TCP11: variants seen among roughly 807,000 people sequenced by gnomAD.
TCP11 encodes the protein t-complex 11.
In TCP11, 34 loss-of-function variants were observed where a neutral mutation model predicts 45.0. The ratio of observed to expected loss-of-function variants is 0.76; its 90% CI spans 0.57 to 1.01. The LOEUF is 1.01. TCP11 is among the 50% of genes least tolerant of loss of function. The probability of loss-of-function intolerance (pLI) is 0.00; values close to 1 mark genes in which losing one functional copy is unlikely to be tolerated. For missense variants in TCP11, 523 were observed against 598.1 expected, an observed-to-expected ratio of 0.87 and a Z score of 1.31; for synonymous variants, 227 against 227.0, an observed-to-expected ratio of 1.00 and a Z score of 0.00.
intron 1 of TCP11, 143 bp from the exon 2 acceptor site, chr6:35,141,027 T>C: frequency 8.0e-7 from 1 of 1,246,832 alleles, no homozygotes. Context: ...CAAAGGAGCG[T>C]GGAGGAGCGG....
At position 35,140,747 on chromosome 6, in the gene TCP11, A is replaced by T; in HGVS notation, c.124T>A (p.Phe42Ile). The T allele has an allele frequency of 2.6e-6, 4 of 1,526,648 alleles. No homozygotes were observed. The highest frequency in any genetic ancestry group is 3.5e-6 in the Non-Finnish European group (4 of 1,141,688). 94.6% of individuals were successfully genotyped at this position (1,526,648 alleles called of 1,614,324 possible). A position where few individuals can be genotyped will look rare whatever the true frequency, so the allele number is the denominator to read the frequency against. The part of the protein sequence containing the change: ...DKSGSEDPPP[F>I]LSVTGLTETV... ...ACAGGGACTGCCGAGCTGGACCTAC[A>T]GGGAGGGGGGTCCTCGGAGCCGCTC... Residue 42 changes from phenylalanine to isoleucine, a missense_variant and splice_region_variant, in exon 2 of 10, where the codon TTT becomes ATT. By Grantham distance (21) the Phe-to-Ile change is conservative. This residue lies in a region of TCP11 where 225 missense variants were observed against 210.2 expected (regional missense o/e 1.07). Coordinates refer to ENST00000311875, the MANE Select transcript of TCP11 (RefSeq NM_001370687.1).
At chr6:35,126,567 C>G (rs1003678833) in intron 4 of TCP11, among the ~76,000 whole-genome samples, 7 of 150,168 alleles carry the variant, frequency 4.7e-5, no homozygotes, top group Non-Finnish European at 7.4e-5. Context: ...ATTTTAGACT[C>G]AATTACAGCA....
chr6:35,132,965 A>C (rs932397806), intron 3 of TCP11, among the ~76,000 whole-genome samples: 1 of 152,204 alleles, frequency 6.6e-6, no homozygotes, highest in Admixed American at 6.5e-5. Flanking sequence ...ACATCAGTCA[A>C]GAACAAATCA....
chr6:35,140,833 G>A lies in TCP11; in HGVS notation c.38C>T (p.Pro13Leu), dbSNP rs762189731. ...ACAGGACCTGCCCTCTGAGTCGCCA[G>A]GATATTTCGGGGGCACACTCTCCTT... is the stretch of plus-strand genomic sequence containing the variant. ...DVKESVPPKY[P>L]GDSEGRSCKP... The change falls in exon 2 of 10, where the codon CCT (proline) becomes CTT (leucine). Residue 13 changes from proline (P) to leucine (L), a missense_variant. This residue lies in a region of TCP11 where 225 missense variants were observed against 210.2 expected (regional missense o/e 1.07). Transcript: ENST00000311875. 3 of 1,562,798 alleles carry A rather than the reference G, an allele frequency of 1.9e-6. No homozygotes were observed. The highest frequency in any genetic ancestry group is 4.0e-5 in the Admixed American group (2 of 50,612).
intron 4 of TCP11, among the ~76,000 whole-genome samples, chr6:35,124,543 T>C (rs188199386): frequency 3.9e-5 from 6 of 152,326 alleles, no homozygotes; most frequent in Admixed American, 3.9e-4. Context: ...AATTAGGTAT[T>C]GTCTAACTTA....
At chr6:35,122,714 T>C (rs139759032) in intron 4 of TCP11, among the ~76,000 whole-genome samples, 1 of 152,246 alleles carries the variant, frequency 6.6e-6, no homozygotes, top group East Asian at 1.9e-4. Flanking sequence ...AGGGCAAGGA[T>C]GAAATAGGCA....
Position 35,127,402 on chromosome 6 carries a change from C to T in TCP11, c.357+1660G>A, listed in dbSNP as rs79896287. On this transcript the variant is annotated intron_variant, in intron 4 of 9. Coordinates refer to ENST00000311875, the MANE Select transcript of TCP11 (RefSeq NM_001370687.1). ...AAGCAAAATGTCTCAGACTCTTTGG[C>T]AATGAAGGTTTGGGTCACTGCACCA... is the stretch of plus-strand genomic sequence containing the variant. Among the ~76,000 whole-genome samples, 69 of 152,170 alleles carry T rather than the reference C, an allele frequency of 4.5e-4. No homozygotes were observed. In the East Asian group the frequency reaches 0.012, roughly 27 times the overall value.
intron 3 of TCP11, among the ~76,000 whole-genome samples, chr6:35,130,642 A>C (rs1175510240): frequency 6.6e-6 from 1 of 152,094 alleles, no homozygotes; most frequent in Non-Finnish European, 1.5e-5. Flanking sequence ...AAATTAAAAC[A>C]ACAAAAAGAA....
chr6:35,119,690 C>T (rs1238699941), intron 8 of TCP11, among the ~76,000 whole-genome samples: 1 of 152,224 alleles, frequency 6.6e-6, no homozygotes, highest in Admixed American at 6.5e-5. Flanking sequence ...CTTGGATCCA[C>T]TCAGCATTCT....
At chr6:35,133,186 T>G (rs1380656796) in intron 3 of TCP11, among the ~76,000 whole-genome samples, 2 of 151,842 alleles carry the variant, frequency 1.3e-5, no homozygotes, top group East Asian at 3.9e-4. Flanking sequence ...TTTACAATCT[T>G]TTTTTTTAGA....
In TCP11 at chr6:35,119,103, G is replaced by GA. The variant is rs34094392; in HGVS notation, c.1279+124dup. ...GGATATGATTTCAACCCAGCATTTTGAAAAAAATCAAGGCTAAACAATGAC... is the reference window on the plus strand; with the variant it reads ...GGATATGATTTCAACCCAGCATTTTGAAAAAAAATCAAGGCTAAACAATGAC... On this transcript the variant is annotated intron_variant, in intron 9 of 9. Transcript: ENST00000311875. 10 of 1,286,034 alleles carry GA rather than the reference G, an allele frequency of 7.8e-6. No homozygotes were observed. The East Asian group carries it at 1.9e-4, about 24-fold the overall frequency. 79.7% of individuals were successfully genotyped at this position (1,286,034 alleles called of 1,614,324 possible). A position where few individuals can be genotyped will look rare whatever the true frequency, so the allele number is the denominator to read the frequency against.
intron 2 of TCP11, chr6:35,140,110 C>T (rs775605953): frequency 1.9e-6 from 3 of 1,613,696 alleles, no homozygotes; most frequent in Admixed American, 3.3e-5. Context: ...ACAAGAAAAA[C>T]CAATCTAATT....
intron 9 of TCP11, 76 bp from the exon 10 acceptor site, chr6:35,118,577 C>T: frequency 7.5e-7 from 1 of 1,326,476 alleles, no homozygotes; most frequent in African/African-American, 1.5e-5. Context: ...GCACTCTACT[C>T]ACCCATGTTC....
chr6:35,118,296 T>G lies in TCP11; in HGVS notation c.1485A>C (p.Ala495=), dbSNP rs112605593. ...AAACAGACTCCACTTTTGTTTCCAGTGCCTGGGCTGGGGAAATGAGGGTTT... is the reference window on the plus strand; with the variant it reads ...AAACAGACTCCACTTTTGTTTCCAGGGCCTGGGCTGGGGAAATGAGGGTTT... The part of the protein sequence containing the change: ...ILKTLISPAQ[A]LETKVESV The change falls in exon 10 of 10, where the codon GCA becomes GCC. Residue 495 remains alanine, a synonymous_variant. Coordinates refer to ENST00000311875, the MANE Select transcript of TCP11 (RefSeq NM_001370687.1). 9,714 of 1,614,174 alleles carry G rather than the reference T, an allele frequency of 6.0e-3. 63 individuals carry two copies. The highest frequency in any genetic ancestry group is 0.018 in the South Asian group (1,662 of 91,076).
intron 2 of TCP11, chr6:35,140,373 T>A (rs1781591978): frequency 1.7e-6 from 1 of 578,460 alleles, no homozygotes. Context: ...TACTATTTCT[T>A]GAGTTAGCAA....
Position 35,141,329 on chromosome 6 carries a change from G to C in TCP11, c.-139C>G. On this transcript the variant is annotated 5_prime_UTR_variant, in exon 1 of 10. Transcript: ENST00000311875. ...GGCGTCGCACGGTGAGAAAGGCCGG[G>C]GCCTGAGAACAAACCGCCGCGGTCG... 8.2e-7 allele frequency: 1 copy of C among 1,225,746 alleles called. No individual in the cohort carries two copies. The highest frequency in any genetic ancestry group is 1.0e-6 in the Non-Finnish European group (1 of 970,562). The allele number at this position is 1,225,746 out of a possible 1,614,324, so 75.9% of individuals were successfully genotyped here. A position where few individuals can be genotyped will look rare whatever the true frequency, so the allele number is the denominator to read the frequency against.
At position 35,120,816 on chromosome 6, in the gene TCP11, A is replaced by G. The variant is rs965053116; in HGVS notation, c.715+93T>C. ...CCCTTCACCTAATAAGCAACTTTCTATTCCTAAAAAGAGATAGAGTACTCT... is the reference window on the plus strand; with the variant it reads ...CCCTTCACCTAATAAGCAACTTTCTGTTCCTAAAAAGAGATAGAGTACTCT... On this transcript the variant is annotated intron_variant, in intron 6 of 9. Transcript: ENST00000311875. This position sits in a 1 kb window ranked among gnomAD's most constrained non-coding sequence, Gnocchi z 4.9. 5 of 1,486,146 alleles carry G rather than the reference A, an allele frequency of 3.4e-6. No homozygotes were observed. The highest frequency in any genetic ancestry group is 1.4e-5 in the South Asian group (1 of 73,034). 92.1% of individuals were successfully genotyped at this position (1,486,146 alleles called of 1,614,324 possible).
intron 4 of TCP11, among the ~76,000 whole-genome samples, chr6:35,127,909 T>A (rs1452039600): frequency 3.3e-5 from 5 of 152,208 alleles, no homozygotes; most frequent in African/African-American, 1.2e-4. Flanking sequence ...GCCTCACAGA[T>A]CCAAATCCAT....
In TCP11 at chr6:35,120,494, T is replaced by C. The variant is rs62404564; in HGVS notation, c.868A>G (p.Met290Val). ...ANNPEPLSPT[M>V]VLCQGFLNLL... is the part of the protein sequence containing the mutation. ...TTCAAGAAGCCCTGACACAGCACCATTGTGGGGCTGAGGGGCTCTGGGTTG... is the reference window on the plus strand; with the variant it reads ...TTCAAGAAGCCCTGACACAGCACCACTGTGGGGCTGAGGGGCTCTGGGTTG... The change falls in exon 7 of 10, where the codon ATG becomes GTG. Residue 290 changes from methionine to valine, a missense_variant. Physicochemically the swap from Met to Val is conservative, Grantham distance 21 (BLOSUM62 1). Coordinates refer to ENST00000311875, the MANE Select transcript of TCP11 (RefSeq NM_001370687.1). This position sits in a 1 kb window ranked among gnomAD's most constrained non-coding sequence, Gnocchi z 4.9. 6.1e-3 allele frequency: 9,879 copies of C among 1,613,472 alleles called. 53 individuals are homozygous for C. The highest frequency in any genetic ancestry group is 0.013 in the South Asian group (1,165 of 90,906).
Sources: gnomAD v4.1 joint callset for allele counts (sites outside exome capture counted in the v4.1 genomes callset) on GRCh38, gnomAD v4.1.1 for gene constraint, gnomAD v4.1.1 regional missense constraint, Gnocchi (gnomAD v3.1) non-coding constraint, MANE v1.5 for transcripts, NCBI Gene and HGNC (gene_info 2026-07-23, HGNC 2026-07-21) for gene names.